Variants in AGBL4 observed in about 807,000 individuals in gnomAD.
AGBL4 encodes AGBL carboxypeptidase 4.
In AGBL4, 58 loss-of-function variants were observed where a neutral mutation model predicts 66.4. The observed-to-expected ratio is 0.87, with a 90% confidence interval of 0.71 to 1.09. AGBL4 has a LOEUF of 1.09. Ranked by LOEUF, AGBL4 falls within the 50% of genes least tolerant of loss-of-function variation. The pLI, the probability that AGBL4 is intolerant of heterozygous loss-of-function variation, is 0.00. For missense variants in AGBL4, 579 were observed against 631.0 expected (o/e 0.92, Z 0.88); for synonymous variants, 234 against 222.9 (o/e 1.05, Z -0.44).
intron 2 of AGBL4, chr1:49,844,838 G>A: frequency 2.6e-6 from 4 of 1,517,086 alleles, no homozygotes; most frequent in Non-Finnish European, 3.7e-6. Flanking sequence ...CACTGGGAAT[G>A]GAGTTGTGAG....
chr1:49,784,094 T>C (rs1644397172), intron 2 of AGBL4, among the ~76,000 whole-genome samples: 1 of 152,086 alleles, frequency 6.6e-6, no homozygotes, highest in Admixed American at 6.6e-5. Flanking sequence ...CAAACACAAT[T>C]ACAGCTGCTA....
At chr1:48,604,439 A>T (rs1481995271) in intron 9 of AGBL4, among the ~76,000 whole-genome samples, 1 of 152,202 alleles carries the variant, frequency 6.6e-6, no homozygotes, top group African/African-American at 2.4e-5. Flanking sequence ...TTTTTTCTAA[A>T]TATGGCTATT....
At chr1:49,999,441 C>T (rs144672724) in intron 1 of AGBL4, among the ~76,000 whole-genome samples, 2 of 151,644 alleles carry the variant, frequency 1.3e-5, no homozygotes, top group East Asian at 3.9e-4. Flanking sequence ...ATAGACAACA[C>T]AAATGAAATA....
chr1:49,558,944 T>A (rs1643968480), intron 3 of AGBL4, among the ~76,000 whole-genome samples: 1 of 152,108 alleles, frequency 6.6e-6, no homozygotes, highest in Admixed American at 6.6e-5. Flanking sequence ...GGTAGACTTT[T>A]AAGGTATTTG....
intron 11 of AGBL4, among the ~76,000 whole-genome samples, chr1:48,548,393 T>G (rs556199495): frequency 6.6e-6 from 1 of 152,170 alleles, no homozygotes; most frequent in East Asian, 1.9e-4. Flanking sequence ...CATTTCACAA[T>G]TAGGCTCTTG....
chr1:49,372,700 T>TC (rs1644390223), intron 3 of AGBL4, among the ~76,000 whole-genome samples: 3 of 150,008 alleles, frequency 2.0e-5, no homozygotes, highest in African/African-American at 7.4e-5. Flanking sequence ...TCTTTCTTTC[T>TC]TTTTCTTTCT....
intron 5 of AGBL4, among the ~76,000 whole-genome samples, chr1:48,982,069 T>C (rs1659816919): frequency 6.6e-6 from 1 of 152,038 alleles, no homozygotes. Context: ...AGAGGTGACA[T>C]ATTGAAAAGG....
chr1:49,611,437 C>T (rs550067479), intron 3 of AGBL4, among the ~76,000 whole-genome samples: 12 of 137,438 alleles, frequency 8.7e-5, no homozygotes, highest in South Asian at 2.3e-4. Flanking sequence ...AGTGCAGTGG[C>T]GCAATCTCAA....
At chr1:48,751,648 A>C (rs1362890752) in intron 6 of AGBL4, among the ~76,000 whole-genome samples, 1 of 152,224 alleles carries the variant, frequency 6.6e-6, no homozygotes, top group Non-Finnish European at 1.5e-5. Context: ...GGCAAATCCA[A>C]AAAAAACATA....
At chr1:49,600,139 G>C (rs1367130625) in intron 3 of AGBL4, among the ~76,000 whole-genome samples, 2 of 152,154 alleles carry the variant, frequency 1.3e-5, no homozygotes, top group Non-Finnish European at 2.9e-5. Context: ...ACTTGTTCCA[G>C]AGCTGAGTTC....
At chr1:48,579,647 A>C (rs563891084) in intron 11 of AGBL4, among the ~76,000 whole-genome samples, 7 of 149,846 alleles carry the variant, frequency 4.7e-5, no homozygotes, top group Admixed American at 2.7e-4. Context: ...ATGGTGGCTC[A>C]CGCCTGTAAT....
intron 3 of AGBL4, among the ~76,000 whole-genome samples, chr1:49,246,260 A>G (rs769615816): frequency 2.6e-5 from 4 of 152,026 alleles, no homozygotes; most frequent in Non-Finnish European, 2.9e-5. Context: ...TGAATGTCAC[A>G]TAAGTTTTAG....
intron 6 of AGBL4, among the ~76,000 whole-genome samples, chr1:48,783,684 T>A (rs1326750169): frequency 6.6e-6 from 1 of 152,198 alleles, no homozygotes; most frequent in Non-Finnish European, 1.5e-5. Flanking sequence ...AAGGATCACC[T>A]TGGGAATTAA....
intron 6 of AGBL4, among the ~76,000 whole-genome samples, chr1:48,784,517 C>A (rs991132655): frequency 5.9e-5 from 9 of 152,194 alleles, no homozygotes; most frequent in Non-Finnish European, 1.0e-4. Flanking sequence ...CCCAAACCTG[C>A]AGCAAATACT....
At chr1:49,158,251 T>C (rs1467693525) in intron 4 of AGBL4, among the ~76,000 whole-genome samples, 1 of 152,152 alleles carries the variant, frequency 6.6e-6, no homozygotes, top group Non-Finnish European at 1.5e-5. Context: ...GGCAATACCA[T>C]TCAGGACATA....
At chr1:49,525,921 A>G (rs975125531) in intron 3 of AGBL4, among the ~76,000 whole-genome samples, 1 of 151,576 alleles carries the variant, frequency 6.6e-6, no homozygotes, top group Non-Finnish European at 1.5e-5. Context: ...CCCCGTCTCT[A>G]CTAAAAAAAA....
chr1:49,400,379 C>T (rs980811939), intron 3 of AGBL4, among the ~76,000 whole-genome samples: 1 of 125,870 alleles, frequency 7.9e-6, no homozygotes, highest in Admixed American at 8.5e-5. Context: ...TTTTCTGATC[C>T]ATATACATTT....
intron 6 of AGBL4, among the ~76,000 whole-genome samples, chr1:48,858,786 A>G (rs1051746818): frequency 6.6e-6 from 1 of 152,178 alleles, no homozygotes; most frequent in Non-Finnish European, 1.5e-5. Context: ...AAATATGCTG[A>G]AAACCACTAA....
At chr1:48,607,107 A>T (rs370845586) in intron 9 of AGBL4, among the ~76,000 whole-genome samples, 2 of 152,242 alleles carry the variant, frequency 1.3e-5, no homozygotes, top group Non-Finnish European at 2.9e-5. Context: ...GGTGTTCAGT[A>T]ATCTTTTTCA....
Sources: allele counts gnomAD v4.1 joint callset (sites outside exome capture counted in the v4.1 genomes callset), GRCh38; gene constraint gnomAD v4.1.1; transcripts MANE v1.5; gene names NCBI Gene and HGNC (gene_info 2026-07-23, HGNC 2026-07-21).